The following IQCM variants were observed in gnomAD, a reference collection of about 807,000 sequenced individuals.
IQCM encodes IQ domain-containing protein M.
In IQCM, 45 loss-of-function variants were observed where a neutral mutation model predicts 57.6. That is an observed-to-expected ratio of 0.78 (90% CI 0.62 to 1.00). IQCM has a LOEUF of 1.00. Among genes scored for constraint, IQCM ranks in the 50% least tolerant of loss-of-function variants. IQCM has a pLI of 0.00. For synonymous variants in IQCM, 148 were observed against 158.9 expected (o/e 0.93, Z 0.51); for missense variants, 468 against 511.6 (o/e 0.91, Z 0.82).
chr4:149,545,370 A>G (rs1748285929), intron 12 of IQCM, among the ~76,000 whole-genome samples: 1 of 152,152 alleles, frequency 6.6e-6, no homozygotes, highest in African/African-American at 2.4e-5. Flanking sequence ...CAAAAATCCC[A>G]AAATAACTCA....
At position 149,639,015 on chromosome 4, in the gene IQCM, G is replaced by A. The variant is rs1757958515; in HGVS notation, c.566-17771C>T. On this transcript the variant is annotated intron_variant, in intron 7 of 13. Transcript: ENST00000636793. Reference sequence around the variant, plus strand: ...TTCTAGAGGTAGAGAGTGGAGCAAGGGTAAATTGAGAAGGAGCCAAAGGGA... The same window carrying A: ...TTCTAGAGGTAGAGAGTGGAGCAAGAGTAAATTGAGAAGGAGCCAAAGGGA... Among the ~76,000 whole-genome samples, 3 of 152,312 alleles carry A rather than the reference G, an allele frequency of 2.0e-5. No homozygotes were observed. In the South Asian group the frequency reaches 6.2e-4, roughly 32 times the overall value.
chr4:149,634,996 T>G (rs182947962), intron 7 of IQCM, among the ~76,000 whole-genome samples: 7 of 152,174 alleles, frequency 4.6e-5, no homozygotes, highest in African/African-American at 1.7e-4. Context: ...ATTATCCTAG[T>G]TTTTTTACTT....
At chr4:149,533,817 T>C (rs1747000890) in intron 12 of IQCM, among the ~76,000 whole-genome samples, 2 of 152,088 alleles carry the variant, frequency 1.3e-5, no homozygotes, top group Admixed American at 6.6e-5. Context: ...GGAATTACAG[T>C]TGAAGATGAG....
chr4:149,650,485 C>T lies in IQCM; in HGVS notation c.566-29241G>A, dbSNP rs571068284. Among the ~76,000 whole-genome samples, 125 of 151,566 alleles carry T rather than the reference C, an allele frequency of 8.2e-4. 1 individual carries two copies. Among genetic ancestry groups the T allele is most frequent in the Non-Finnish European group, 1.0e-4 (7 of 67,916 alleles). On this transcript the variant is annotated intron_variant, in intron 7 of 13. Coordinates refer to ENST00000636793, the MANE Select transcript of IQCM (RefSeq NM_001363507.2). ...TTGGTTCACTGCAATCTCCACCTCC[C>T]GGAATCAAGCGATTCTCCTGCCTCA... is the stretch of plus-strand genomic sequence containing the variant.
At chr4:149,592,834 G>T (rs1753336684) in intron 8 of IQCM, among the ~76,000 whole-genome samples, 1 of 152,228 alleles carries the variant, frequency 6.6e-6, no homozygotes, top group Middle Eastern at 3.4e-3. Flanking sequence ...TTTGGTACCA[G>T]TACCATGCTG....
intron 2 of IQCM, among the ~76,000 whole-genome samples, chr4:149,813,929 C>G (rs1385067934): frequency 6.6e-6 from 1 of 151,964 alleles, no homozygotes; most frequent in Non-Finnish European, 1.5e-5. Flanking sequence ...TTTAGAACTC[C>G]AAAGCTTCAT....
intron 2 of IQCM, among the ~76,000 whole-genome samples, chr4:149,770,282 T>G (rs1770451007): frequency 6.6e-6 from 1 of 152,092 alleles, no homozygotes; most frequent in Non-Finnish European, 1.5e-5. Flanking sequence ...ATAACCTGCT[T>G]ATTTTTAAAA....
intron 5 of IQCM, among the ~76,000 whole-genome samples, chr4:149,714,072 A>G (rs865956570): frequency 6.6e-6 from 1 of 152,084 alleles, no homozygotes; most frequent in Admixed American, 6.6e-5. Flanking sequence ...CGCTACTAAA[A>G]TAGTAGGTGT....
intron 12 of IQCM, among the ~76,000 whole-genome samples, chr4:149,465,296 A>G (rs768343643): frequency 4.6e-5 from 7 of 152,182 alleles, no homozygotes; most frequent in Non-Finnish European, 7.3e-5. Context: ...TATATAAATA[A>G]TACAGAAATT....
intron 2 of IQCM, among the ~76,000 whole-genome samples, chr4:149,760,021 A>AGGAAGGAAAG (rs537950234): frequency 0.25 from 16,997 of 67,302 alleles, 1,202 homozygotes; most frequent in East Asian, 0.51. Context: ...GAAGGAAGGA[A>AGGAAGGAAAG]GGAAGGGAAG....
At chr4:149,759,740 T>C (rs539885392) in intron 2 of IQCM, among the ~76,000 whole-genome samples, 8 of 152,090 alleles carry the variant, frequency 5.3e-5, no homozygotes, top group Non-Finnish European at 1.0e-4. Flanking sequence ...CAATAAACCA[T>C]ACCTATGAAA....
intron 8 of IQCM, among the ~76,000 whole-genome samples, chr4:149,610,126 T>G (rs1755150017): frequency 6.6e-6 from 1 of 151,744 alleles, no homozygotes; most frequent in Non-Finnish European, 1.5e-5. Flanking sequence ...GTAATTCTAT[T>G]TATAATAGCC....
chr4:149,410,727 C>T (rs1244308030), intron 13 of IQCM, among the ~76,000 whole-genome samples: 1 of 151,830 alleles, frequency 6.6e-6, no homozygotes, highest in Non-Finnish European at 1.5e-5. Flanking sequence ...AAAAGTCAGA[C>T]TTCTATCTTT....
At chr4:149,548,011 A>G (rs900060294) in intron 12 of IQCM, among the ~76,000 whole-genome samples, 1 of 152,154 alleles carries the variant, frequency 6.6e-6, no homozygotes, top group Non-Finnish European at 1.5e-5. Context: ...ATTTTCTGTG[A>G]AAGTCTATTA....
intron 12 of IQCM, among the ~76,000 whole-genome samples, chr4:149,536,482 C>T (rs914638455): frequency 2.0e-5 from 3 of 151,964 alleles, no homozygotes; most frequent in African/African-American, 7.2e-5. Context: ...ATCTAGTTAA[C>T]TCATCTTACA....
At chr4:149,440,489 A>T (rs1394993066) in intron 12 of IQCM, among the ~76,000 whole-genome samples, 1 of 152,098 alleles carries the variant, frequency 6.6e-6, no homozygotes, top group Non-Finnish European at 1.5e-5. Context: ...TTATTTTCCC[A>T]TACTATTTAA....
intron 2 of IQCM, among the ~76,000 whole-genome samples, chr4:149,775,865 G>A (rs1771039042): frequency 1.3e-5 from 2 of 152,262 alleles, no homozygotes; most frequent in South Asian, 4.2e-4. Context: ...TGAGCTACGT[G>A]GGGTTGGTAA....
chr4:149,797,394 G>GA (rs1580324591), intron 2 of IQCM, among the ~76,000 whole-genome samples: 1 of 151,818 alleles, frequency 6.6e-6, no homozygotes. Context: ...GGAAAAAGAA[G>GA]AAAAAATGAA....
Position 149,795,537 on chromosome 4 carries a change from G to C in IQCM, c.-49+19774C>G, listed in dbSNP as rs116052964. 7.2e-3 allele frequency among the ~76,000 whole-genome samples: 1,093 copies of C among 152,228 alleles called. 15 individuals carry two copies. The highest frequency in any genetic ancestry group is 0.025 in the African/African-American group (1,052 of 41,544). The stretch of plus-strand genomic sequence containing the variant: ...TTTAGGCAAGTCCTAGTGTTGAACT[G>C]GGCCCAGAGCCAATGGACTCACGGG... On this transcript the variant is annotated intron_variant, in intron 2 of 13. Transcript: ENST00000636793.
Sources: gnomAD v4.1 joint callset for allele counts (sites outside exome capture counted in the v4.1 genomes callset) on GRCh38, gnomAD v4.1.1 for gene constraint, MANE v1.5 for transcripts, NCBI Gene and HGNC (gene_info 2026-07-23, HGNC 2026-07-21) for gene names.